Variants in TAFA4 observed in about 807,000 individuals in gnomAD.
TAFA4 encodes chemokine-like protein TAFA-4.
TAFA4 carries 20 observed loss-of-function variants against 21.1 expected under a neutral mutation model. The ratio of observed to expected loss-of-function variants is 0.95; its 90% CI spans 0.67 to 1.38. TAFA4 has a LOEUF of 1.38. Among genes scored for constraint, TAFA4 ranks in the 40% most tolerant of loss-of-function variants. The pLI is 0.00. For missense variants in TAFA4, 211 were observed against 180.9 expected (o/e 1.17, Z -0.95); for synonymous variants, 71 against 67.4 (o/e 1.05, Z -0.26).
chr3:68,820,332 G>A (rs890728447), intron 3 of TAFA4, among the ~76,000 whole-genome samples: 4 of 152,136 alleles, frequency 2.6e-5, no homozygotes, highest in Non-Finnish European at 5.9e-5. Flanking sequence ...ATAAGTTCAA[G>A]TGATCTACTG....
intron 3 of TAFA4, among the ~76,000 whole-genome samples, chr3:68,756,229 G>A (rs774897213): frequency 2.6e-5 from 4 of 152,196 alleles, no homozygotes; most frequent in Non-Finnish European, 5.9e-5. Context: ...ATACCCAGCT[G>A]GGGAGACTTA....
chr3:68,792,336 A>G (rs1703377695), intron 3 of TAFA4, among the ~76,000 whole-genome samples: 1 of 152,152 alleles, frequency 6.6e-6, no homozygotes, highest in Non-Finnish European at 1.5e-5. Context: ...ATTGACAATC[A>G]TGTTCTCCCT....
chr3:68,797,021 A>G (rs1703465687), intron 3 of TAFA4, among the ~76,000 whole-genome samples: 1 of 152,178 alleles, frequency 6.6e-6, no homozygotes, highest in African/African-American at 2.4e-5. Context: ...GGATGTGGAG[A>G]AAACAGAACC....
chr3:68,745,429 C>A (rs949054580), intron 4 of TAFA4, among the ~76,000 whole-genome samples: 2 of 152,068 alleles, frequency 1.3e-5, no homozygotes, highest in South Asian at 2.1e-4. Context: ...AAATAAAATT[C>A]GTTTAAAAGC....
At chr3:68,814,182 T>C (rs1703908237) in intron 3 of TAFA4, among the ~76,000 whole-genome samples, 2 of 151,970 alleles carry the variant, frequency 1.3e-5, no homozygotes, top group South Asian at 2.1e-4. Flanking sequence ...TAATAACAGC[T>C]ATCTATGACA....
At chr3:68,774,903 G>A (rs539818068) in intron 3 of TAFA4, among the ~76,000 whole-genome samples, 1 of 152,056 alleles carries the variant, frequency 6.6e-6, no homozygotes, top group Non-Finnish European at 1.5e-5. Context: ...AAACATAGGA[G>A]GAGGCTCTAT....
chr3:68,741,994 G>A (rs934736264), intron 4 of TAFA4, among the ~76,000 whole-genome samples: 2 of 152,144 alleles, frequency 1.3e-5, no homozygotes, highest in East Asian at 1.9e-4. Flanking sequence ...CTAGCAAACT[G>A]AATTGAACAT....
intron 3 of TAFA4, among the ~76,000 whole-genome samples, chr3:68,805,492 A>C (rs1404446734): frequency 6.6e-6 from 1 of 152,250 alleles, no homozygotes; most frequent in Non-Finnish European, 1.5e-5. Context: ...GCTGCTATAA[A>C]GACACATGCA....
intron 3 of TAFA4, among the ~76,000 whole-genome samples, chr3:68,851,498 T>C (rs1704948984): frequency 6.6e-6 from 1 of 151,978 alleles, no homozygotes. Context: ...ATAATAAACA[T>C]AAATTCAAAT....
At chr3:68,796,341 A>G (rs1261827225) in intron 3 of TAFA4, among the ~76,000 whole-genome samples, 4 of 152,240 alleles carry the variant, frequency 2.6e-5, no homozygotes, top group Non-Finnish European at 5.9e-5. Flanking sequence ...ATTCTAATAT[A>G]GACAATATCT....
At chr3:68,810,433 G>T (rs752369709) in intron 3 of TAFA4, among the ~76,000 whole-genome samples, 23 of 152,140 alleles carry the variant, frequency 1.5e-4, no homozygotes, top group Non-Finnish European at 2.6e-4. Flanking sequence ...TCAAAGAAAG[G>T]GGTGACAGAC....
chr3:68,843,602 C>G (rs1245965494), intron 3 of TAFA4, among the ~76,000 whole-genome samples: 1 of 152,210 alleles, frequency 6.6e-6, no homozygotes, highest in East Asian at 1.9e-4. Flanking sequence ...TGCGAGTTTT[C>G]AAGGGGAATG....
At chr3:68,839,798 G>T (rs6806391) in intron 3 of TAFA4, among the ~76,000 whole-genome samples, 1 of 151,980 alleles carries the variant, frequency 6.6e-6, no homozygotes, top group Non-Finnish European at 1.5e-5. Flanking sequence ...AGGGGAAAGC[G>T]TAACAAGAGC....
rs1702174399 is a variant in TAFA4, at chr3:68,732,898, C to T, written c.*244G>A. 1 of 523,344 alleles carries T rather than the reference C, an allele frequency of 1.9e-6. No individual in the cohort carries two copies. Among genetic ancestry groups the T allele is most frequent in the East Asian group, 3.0e-5 (1 of 33,614 alleles). 32.4% of individuals were successfully genotyped at this position (523,344 alleles called of 1,614,324 possible). On this transcript the variant is annotated 3_prime_UTR_variant, in exon 6 of 6. Coordinates refer to ENST00000295569, the MANE Select transcript of TAFA4 (RefSeq NM_182522.5). ...TCTTCTCGGATTTTGGAGGTATGCT[C>T]CTTGGGAATCCAGAGAGGATGTCAA...
intron 3 of TAFA4, among the ~76,000 whole-genome samples, chr3:68,767,440 C>T (rs1344730055): frequency 6.6e-6 from 1 of 151,972 alleles, no homozygotes; most frequent in Non-Finnish European, 1.5e-5. Context: ...AACATTTACA[C>T]ATGCAAATAA....
In TAFA4 at chr3:68,790,071, T is replaced by C. The variant is rs1441173939; in HGVS notation, c.131-37053A>G. 2.0e-5 allele frequency among the ~76,000 whole-genome samples: 3 copies of C among 152,276 alleles called. No homozygotes were observed. The East Asian group carries it at 5.8e-4, about 29-fold the overall frequency. Reference sequence around the variant, plus strand: ...AAGTTCTTAAAAATATGTATAACTGTTGAAAGCAAAAATTATAACATTTTC... The same window carrying C: ...AAGTTCTTAAAAATATGTATAACTGCTGAAAGCAAAAATTATAACATTTTC... On this transcript the variant is annotated intron_variant, in intron 3 of 5. Coordinates refer to ENST00000295569, the MANE Select transcript of TAFA4 (RefSeq NM_182522.5).
intron 3 of TAFA4, among the ~76,000 whole-genome samples, chr3:68,812,925 G>C (rs1703874548): frequency 6.6e-6 from 1 of 152,162 alleles, no homozygotes; most frequent in Non-Finnish European, 1.5e-5. Flanking sequence ...ATACTTGGAA[G>C]TAAAGTACTC....
chr3:68,748,386 A>G lies in TAFA4; in HGVS notation c.286+4477T>C, dbSNP rs116391145. On this transcript the variant is annotated intron_variant, in intron 4 of 5. Transcript: ENST00000295569. ...CCTATGTCTCATCACACAGCCCATA[A>G]AGCCATGAAACTTGTCTGCAGTCCA... 4.2e-3 allele frequency among the ~76,000 whole-genome samples: 641 copies of G among 152,332 alleles called. 3 individuals are homozygous for G. The highest frequency in any genetic ancestry group is 0.014 in the African/African-American group (587 of 41,586).
chr3:68,852,418 G>A (rs1355672190), intron 3 of TAFA4, among the ~76,000 whole-genome samples: 1 of 152,092 alleles, frequency 6.6e-6, no homozygotes, highest in African/African-American at 2.4e-5. Flanking sequence ...GCCTAGCTCT[G>A]CCAGCAACTA....
Sources: allele counts gnomAD v4.1 joint callset (sites outside exome capture counted in the v4.1 genomes callset), GRCh38; gene constraint gnomAD v4.1.1; transcripts MANE v1.5; gene names NCBI Gene and HGNC (gene_info 2026-07-23, HGNC 2026-07-21).